LRRC53: variants seen among roughly 807,000 people sequenced by gnomAD.
The protein encoded by LRRC53 is leucine rich repeat containing 53.
LRRC53 carries 25 observed loss-of-function variants against 13.6 expected under a neutral mutation model. That is an observed-to-expected ratio of 1.83 (90% CI 1.34 to 2.56). The LOEUF is 2.56. Ranked by LOEUF, LRRC53 falls within the 30% of genes most tolerant of loss-of-function variation. LRRC53 has a pLI of 0.00. For synonymous variants in LRRC53, 204 were observed against 109.8 expected (o/e 1.86, Z -5.37); for missense variants, 527 against 275.8 (o/e 1.91, Z -6.45).
Position 74,480,934 on chromosome 1 carries a change from G to A in LRRC53, c.123C>T (p.Thr41=), listed in dbSNP as rs1443270271. ...TCTCAATAGAGGAGAGATATCCATCGGTGATGATTAAAACCCTCGTGGTCA... is the reference window on the plus strand; with the variant it reads ...TCTCAATAGAGGAGAGATATCCATCAGTGATGATTAAAACCCTCGTGGTCA... ...APMTTRVLII[T]DGYLSSIEST... The change falls in exon 3 of 5, where the codon ACC becomes ACT. Residue 41 remains threonine, a synonymous_variant. Transcript: ENST00000294635. 6 of 716,960 alleles carry A rather than the reference G, an allele frequency of 8.4e-6. No individual in the cohort carries two copies. In the East Asian group the frequency reaches 1.1e-4, roughly 13 times the overall value. The allele number at this position is 716,960 out of a possible 1,614,324, so 44.4% of individuals were successfully genotyped here. A position where few individuals can be genotyped will look rare whatever the true frequency, so the allele number is the denominator to read the frequency against.
At position 74,470,550 on chromosome 1, in the gene LRRC53, A is replaced by T. The variant is rs747533719; in HGVS notation, c.3072T>A (p.Asn1024Lys). The T allele has an allele frequency of 2.7e-5, 11 of 400,554 alleles. No individual in the cohort carries two copies. Among genetic ancestry groups the T allele is most frequent in the Non-Finnish European group, 4.4e-5 (10 of 226,190 alleles). 24.8% of individuals were successfully genotyped at this position (400,554 alleles called of 1,614,324 possible). A position where few individuals can be genotyped will look rare whatever the true frequency, so the allele number is the denominator to read the frequency against. The part of the protein sequence containing the change: ...SKNNLSFMKT[N>K]SIPYQNRIEL... ...CTATTCTATTTTGGTATGGAATTGA[A>T]TTTGTCTTCATAAATGATAGGTTGT... Residue 1024 changes from asparagine (N) to lysine (K), a missense_variant, in exon 5 of 5, where the codon AAT becomes AAA. Transcript: ENST00000294635.
At chr1:74,524,146 G>T in the LRRC53 span, among the ~76,000 whole-genome samples, 13 of 152,360 alleles carry the variant, frequency 8.5e-5, no homozygotes, top group East Asian at 2.3e-3. Context: ...GCCCACAAAG[G>T]CTCCAGTGAA....
intron 1 of LRRC53, chr1:74,492,297 A>G (rs200141535): frequency 2.1e-6 from 3 of 1,454,728 alleles, no homozygotes; most frequent in Non-Finnish European, 2.8e-6. Flanking sequence ...ATCTCACAGT[A>G]AAGTCTTATT....
chr1:74,484,632 T>C (rs1668661010), intron 1 of LRRC53, among the ~76,000 whole-genome samples: 1 of 152,090 alleles, frequency 6.6e-6, no homozygotes, highest in Non-Finnish European at 1.5e-5. Context: ...TAGTGTGTCA[T>C]GGTGGAGAGG....
chr1:74,506,738 C>T (rs962215685), intron 1 of LRRC53, among the ~76,000 whole-genome samples: 1 of 152,138 alleles, frequency 6.6e-6, no homozygotes, highest in Non-Finnish European at 1.5e-5. Context: ...CTCTGGGGAC[C>T]TTTTAGTTTT....
chr1:74,501,474 G>GTTTGTT (rs75296086), intron 1 of LRRC53, among the ~76,000 whole-genome samples: 3 of 149,820 alleles, frequency 2.0e-5, no homozygotes, highest in African/African-American at 4.9e-5. Context: ...TTTTTGTTTT[G>GTTTGTT]TGTTTGTTTG....
rs17095397 is a variant in LRRC53 at position 74,474,522 on chromosome 1, A to G, written c.1420+773T>C. On this transcript the variant is annotated intron_variant, in intron 4 of 4. Coordinates refer to ENST00000294635, the MANE Select transcript of LRRC53 (RefSeq NM_001382280.1). ...AATTTCTTGATACAGCACCTCTGTC[A>G]TTCATACTCTTAGAGAAAGCTCTGC... 8.0e-3 allele frequency among the ~76,000 whole-genome samples: 1,220 copies of G among 152,316 alleles called. 14 individuals carry two copies. The highest frequency in any genetic ancestry group is 0.028 in the African/African-American group (1,157 of 41,578).
rs748626223 is a variant in LRRC53, at chr1:74,497,564, GCACA to G, written c.-26-14193_-26-14190del. Among the ~76,000 whole-genome samples the G allele has an allele frequency of 2.9e-3, 431 of 147,376 alleles. 3 individuals are homozygous for G. The highest frequency in any genetic ancestry group is 0.01 in the African/African-American group (420 of 40,312). The stretch of plus-strand genomic sequence containing the variant: ...TGGCTTCAACTCACACCACATACAT[GCACA>G]CACACACACACACATACACATGCAC... On this transcript the variant is annotated intron_variant, in intron 1 of 4. Transcript: ENST00000294635.
chr1:74,490,717 C>A (rs1484946599), intron 1 of LRRC53, among the ~76,000 whole-genome samples: 1 of 152,140 alleles, frequency 6.6e-6, no homozygotes, highest in Non-Finnish European at 1.5e-5. Flanking sequence ...CGGTTTAGAT[C>A]AAGGCCAAGA....
At chr1:74,502,179 C>T (rs984897731) in intron 1 of LRRC53, among the ~76,000 whole-genome samples, 8 of 152,156 alleles carry the variant, frequency 5.3e-5, no homozygotes, top group South Asian at 2.1e-4. Context: ...CTTAGAAAAT[C>T]GTTTTCTTTT....
chr1:74,489,478 G>A (rs1668938972), intron 1 of LRRC53, among the ~76,000 whole-genome samples: 1 of 152,154 alleles, frequency 6.6e-6, no homozygotes, highest in African/African-American at 2.4e-5. Flanking sequence ...AATAGGGCAG[G>A]CAAATGGACA....
At chr1:74,531,038 G>A in the LRRC53 span, among the ~76,000 whole-genome samples, 2 of 152,180 alleles carry the variant, frequency 1.3e-5, no homozygotes, top group Admixed American at 6.5e-5. Flanking sequence ...GGGGGAAGCT[G>A]AGACCTTGGA....
intron 1 of LRRC53, among the ~76,000 whole-genome samples, chr1:74,500,650 A>C (rs1267749878): frequency 1.5e-5 from 2 of 136,650 alleles, no homozygotes; most frequent in African/African-American, 5.7e-5. Context: ...AAAAAAAAAA[A>C]AAAAAAAAAT....
At chr1:74,491,176 C>T (rs1557602962) in intron 1 of LRRC53, among the ~76,000 whole-genome samples, 1 of 152,102 alleles carries the variant, frequency 6.6e-6, no homozygotes, top group Non-Finnish European at 1.5e-5. Context: ...GCTAATGATG[C>T]TTATCACAGA....
At chr1:74,477,332 T>A (rs1472104060) in intron 3 of LRRC53, among the ~76,000 whole-genome samples, 1 of 152,114 alleles carries the variant, frequency 6.6e-6, no homozygotes, top group Non-Finnish European at 1.5e-5. Flanking sequence ...TACCCAGGGA[T>A]TAAATAATAT....
At chr1:74,529,802 C>T in the LRRC53 span, among the ~76,000 whole-genome samples, 2 of 152,280 alleles carry the variant, frequency 1.3e-5, no homozygotes, top group East Asian at 3.9e-4. Flanking sequence ...TTCACTTCAG[C>T]CATTTGATTC....
the LRRC53 span, among the ~76,000 whole-genome samples, chr1:74,518,399 C>A: frequency 6.6e-6 from 1 of 152,048 alleles, no homozygotes; most frequent in Non-Finnish European, 1.5e-5. Flanking sequence ...CATTTTCGTT[C>A]TTCTTCTTTA....
chr1:74,484,334 A>G lies in LRRC53; in HGVS notation c.-26-959T>C, dbSNP rs189232571. On this transcript the variant is annotated intron_variant, in intron 1 of 4. Coordinates refer to ENST00000294635, the MANE Select transcript of LRRC53 (RefSeq NM_001382280.1). The stretch of plus-strand genomic sequence containing the variant: ...GATTAATTCTATCATTTGTTCAACA[A>G]GCATTTGTAGATCACCTTCTGCATG... Among the ~76,000 whole-genome samples the G allele has an allele frequency of 2.8e-3, 419 of 152,286 alleles. 3 individuals carry two copies. The highest frequency in any genetic ancestry group is 9.8e-3 in the African/African-American group (409 of 41,572).
chr1:74,527,670 T>A, the LRRC53 span, among the ~76,000 whole-genome samples: 1 of 152,162 alleles, frequency 6.6e-6, no homozygotes, highest in Non-Finnish European at 1.5e-5. Context: ...TTGATCTACA[T>A]GTGTTGGGCA....
Sources: allele counts gnomAD v4.1 joint callset (sites outside exome capture counted in the v4.1 genomes callset), GRCh38; gene constraint gnomAD v4.1.1; transcripts MANE v1.5; gene names NCBI Gene and HGNC (gene_info 2026-07-23, HGNC 2026-07-21).